Variants in RBFOX1 observed in about 807,000 individuals in gnomAD.
The protein encoded by RBFOX1 is RNA binding fox-1 homolog 1, also known as RNA binding protein fox-1 homolog 1.
A neutral mutation model predicts 57.7 loss-of-function variants in RBFOX1; 8 were observed. The ratio of observed to expected loss-of-function variants is 0.14; its 90% CI spans 0.08 to 0.25. The LOEUF (loss-of-function observed/expected upper bound fraction) is 0.25. Ranked by LOEUF, RBFOX1 falls within the 10% of genes least tolerant of loss-of-function variation. The pLI is 1.00. For missense variants in RBFOX1, 611 were observed against 548.5 expected (o/e 1.11, Z -1.14); for synonymous variants, 326 against 222.4 (o/e 1.47, Z -4.15).
chr16:5,277,177 A>G lies in RBFOX1; in HGVS notation c.219+37072A>G, dbSNP rs572035200. ...CATAGCAACCTGGATGGAGTTGGAG[A>G]GCATTATTCTAAATGAAGTAACTCA... On this transcript the variant is annotated intron_variant, in intron 1 of 2. Transcript: ENST00000585867. 5.9e-5 allele frequency among the ~76,000 whole-genome samples: 9 copies of G among 152,280 alleles called. No individual in the cohort carries two copies. In the East Asian group the frequency reaches 9.6e-4, roughly 16 times the overall value.
chr16:7,584,078 A>G (rs1229106456), intron 6 of RBFOX1, among the ~76,000 whole-genome samples: 1 of 152,176 alleles, frequency 6.6e-6, no homozygotes, highest in East Asian at 1.9e-4. Flanking sequence ...CTACTTCTGC[A>G]TTCTGAACAG....
chr16:6,218,405 T>G (rs1598461903), intron 1 of RBFOX1, among the ~76,000 whole-genome samples: 2 of 151,930 alleles, frequency 1.3e-5, no homozygotes, highest in African/African-American at 2.4e-5. Flanking sequence ...GCCTCCAGGG[T>G]TCAAGTGATT....
chr16:7,256,213 T>C (rs1189115235), intron 4 of RBFOX1, among the ~76,000 whole-genome samples: 1 of 152,204 alleles, frequency 6.6e-6, no homozygotes, highest in East Asian at 1.9e-4. Flanking sequence ...TTGGCTCTCC[T>C]CTTTACTCCC....
chr16:7,121,639 A>C (rs556149281), intron 4 of RBFOX1, among the ~76,000 whole-genome samples: 1 of 152,170 alleles, frequency 6.6e-6, no homozygotes, highest in South Asian at 2.1e-4. Flanking sequence ...TTGGTGTATA[A>C]GTTTAACACA....
At chr16:6,289,211 A>G (rs1397682524) in intron 1 of RBFOX1, among the ~76,000 whole-genome samples, 1 of 152,144 alleles carries the variant, frequency 6.6e-6, no homozygotes, top group African/African-American at 2.4e-5. Flanking sequence ...TTCTTTGCAG[A>G]TGTCACAGAG....
intron 3 of RBFOX1, among the ~76,000 whole-genome samples, chr16:5,667,475 G>A (rs1282118748): frequency 2.6e-5 from 4 of 152,292 alleles, no homozygotes; most frequent in Admixed American, 2.0e-4. Flanking sequence ...TTTTGGGATT[G>A]GTTTTGGGTT....
intron 1 of RBFOX1, among the ~76,000 whole-genome samples, chr16:6,191,946 T>G (rs145811542): frequency 6.6e-6 from 1 of 152,310 alleles, no homozygotes; most frequent in African/African-American, 2.4e-5. Context: ...AGTATCAGCC[T>G]TGGAATTCTG....
chr16:7,687,120 A>G (rs2076234807), intron 14 of RBFOX1, among the ~76,000 whole-genome samples: 1 of 152,046 alleles, frequency 6.6e-6, no homozygotes. Context: ...TCTATAATCA[A>G]TCTGTTTGGT....
intron 3 of RBFOX1, among the ~76,000 whole-genome samples, chr16:5,663,735 A>C (rs1247742231): frequency 6.6e-6 from 1 of 152,214 alleles, no homozygotes. Flanking sequence ...GCGTGGAAGC[A>C]ACAGGAAAGC....
At chr16:6,820,113 T>C (rs1440828085) in intron 3 of RBFOX1, among the ~76,000 whole-genome samples, 1 of 152,158 alleles carries the variant, frequency 6.6e-6, no homozygotes, top group African/African-American at 2.4e-5. Flanking sequence ...TCTCATGAAA[T>C]CTGATGGTTT....
At chr16:5,784,270 A>G (rs72633296) in intron 3 of RBFOX1, among the ~76,000 whole-genome samples, 43,416 of 151,788 alleles carry the variant, frequency 0.29, 6,574 homozygotes, top group East Asian at 0.55. Context: ...AAATACAAAA[A>G]AACAAAATTA....
intron 1 of RBFOX1, among the ~76,000 whole-genome samples, chr16:6,153,597 A>T (rs142753858): frequency 9.6e-4 from 146 of 151,972 alleles, no homozygotes; most frequent in Non-Finnish European, 1.5e-3. Context: ...GTATAGTGGC[A>T]TGATCTCGGC....
chr16:6,898,918 T>A (rs965090419), intron 3 of RBFOX1, among the ~76,000 whole-genome samples: 1 of 151,476 alleles, frequency 6.6e-6, no homozygotes, highest in East Asian at 1.9e-4. Flanking sequence ...TTTGTGCATA[T>A]GTGTATATGT....
chr16:6,829,947 G>C (rs111500702), intron 3 of RBFOX1, among the ~76,000 whole-genome samples: 11,510 of 151,080 alleles, frequency 0.076, 630 homozygotes, highest in Non-Finnish European at 0.12. Context: ...ATGGAGTTTT[G>C]CTCTTGTTGC....
intron 3 of RBFOX1, among the ~76,000 whole-genome samples, chr16:6,818,201 G>T (rs2090520639): frequency 6.6e-6 from 1 of 152,108 alleles, no homozygotes; most frequent in Admixed American, 6.6e-5. Context: ...TGTTGGTCCT[G>T]TGACAGTTTG....
chr16:5,298,500 AACCTCCCTTCCCCTCCCCTC>A (rs2063725170), intron 1 of RBFOX1, among the ~76,000 whole-genome samples: 1 of 9,114 alleles, frequency 1.1e-4, no homozygotes, highest in African/African-American at 5.6e-4. Flanking sequence ...CGCCTCCCCT[AACCTCCCTTCCCCTCCCCTC>A]CCCTCCCTTC....
intron 1 of RBFOX1, among the ~76,000 whole-genome samples, chr16:6,127,206 G>A (rs2096596163): frequency 6.6e-6 from 1 of 151,898 alleles, no homozygotes; most frequent in South Asian, 2.1e-4. Context: ...GACTGCCCTA[G>A]ATGGAGTCAA....
chr16:5,792,481 T>C (rs2054734079), intron 3 of RBFOX1, among the ~76,000 whole-genome samples: 1 of 152,182 alleles, frequency 6.6e-6, no homozygotes, highest in Admixed American at 6.5e-5. Context: ...TGAACGCAAA[T>C]GTTCTATGTA....
At chr16:5,316,966 C>T (rs1463837558) in intron 1 of RBFOX1, among the ~76,000 whole-genome samples, 5 of 152,168 alleles carry the variant, frequency 3.3e-5, no homozygotes, top group Admixed American at 6.5e-5. Context: ...TATGTCTCTT[C>T]TGGAGGAGCT....
Sources: allele counts gnomAD v4.1 joint callset (sites outside exome capture counted in the v4.1 genomes callset), GRCh38; gene constraint gnomAD v4.1.1; transcripts MANE v1.5; gene names NCBI Gene and HGNC (gene_info 2026-07-23, HGNC 2026-07-21).